GNG7: variants seen among roughly 807,000 people sequenced by gnomAD.
GNG7 encodes the protein guanine nucleotide-binding protein G(I)/G(S)/G(O) subunit gamma-7.
In GNG7, 1 loss-of-function variant was observed where a neutral mutation model predicts 4.0. That is an observed-to-expected ratio of 0.25 (90% confidence interval 0.09 to 1.18). The LOEUF is 1.18. GNG7 is among the 50% of genes most tolerant of loss of function. The probability of loss-of-function intolerance (pLI) is 0.50; values close to 1 mark genes in which losing one functional copy is unlikely to be tolerated. For missense variants in GNG7, 86 were observed against 91.9 expected, an observed-to-expected ratio of 0.94 and a Z score of 0.26; for synonymous variants, 34 against 36.9, an observed-to-expected ratio of 0.92 and a Z score of 0.29.
chr19:2,521,453 T>C (rs1978308056), intron 3 of GNG7, among the ~76,000 whole-genome samples: 2 of 150,642 alleles, frequency 1.3e-5, no homozygotes, highest in Non-Finnish European at 3.0e-5. Flanking sequence ...TGGCATGGAG[T>C]GGGTTGGGTG....
chr19:2,602,927 G>C (rs1390237465), intron 2 of GNG7, among the ~76,000 whole-genome samples: 34 of 64,500 alleles, frequency 5.3e-4, no homozygotes, highest in Non-Finnish European at 8.3e-4. Flanking sequence ...CTTTCTTTTT[G>C]TTTCTTCCTT....
chr19:2,684,295 C>A (rs184496106), intron 1 of GNG7, among the ~76,000 whole-genome samples: 165 of 151,954 alleles, frequency 1.1e-3, no homozygotes, highest in African/African-American at 3.5e-3. Flanking sequence ...CGCCACCACG[C>A]CCGGATAATT....
intron 2 of GNG7, among the ~76,000 whole-genome samples, chr19:2,620,284 TGAAA>T (rs907555104): frequency 7.0e-6 from 1 of 142,328 alleles, no homozygotes; most frequent in African/African-American, 2.7e-5. Context: ...CCCTGTAGAA[TGAAA>T]GAAAGGCAGA....
chr19:2,630,736 G>A (rs1414440335), intron 2 of GNG7: 1 of 151,512 alleles, frequency 6.6e-6, no homozygotes, highest in Non-Finnish European at 1.5e-5. Flanking sequence ...TGGACATAGT[G>A]TGGCTGGGTC....
intron 2 of GNG7, among the ~76,000 whole-genome samples, chr19:2,608,578 T>C (rs1169764152): frequency 6.6e-6 from 1 of 152,146 alleles, no homozygotes; most frequent in African/African-American, 2.4e-5. Context: ...ACCAGCAACC[T>C]GGAAACCTGG....
chr19:2,690,682 C>A (rs1035836694), intron 1 of GNG7, among the ~76,000 whole-genome samples: 1 of 152,102 alleles, frequency 6.6e-6, no homozygotes, highest in Non-Finnish European at 1.5e-5. Context: ...CAGCCTCCAC[C>A]TCCCAGATTC....
At chr19:2,698,659 G>A (rs928180529) in intron 1 of GNG7, among the ~76,000 whole-genome samples, 3 of 152,050 alleles carry the variant, frequency 2.0e-5, no homozygotes, top group African/African-American at 7.2e-5. Flanking sequence ...AAACCATGAA[G>A]CATCTTCAAA....
chr19:2,591,293 C>T (rs1980843431), intron 2 of GNG7, among the ~76,000 whole-genome samples: 1 of 152,140 alleles, frequency 6.6e-6, no homozygotes, highest in South Asian at 2.1e-4. Flanking sequence ...CTCCTACTTG[C>T]CAATACTATT....
chr19:2,520,130 G>A (rs1035030758), intron 4 of GNG7, among the ~76,000 whole-genome samples: 3 of 152,162 alleles, frequency 2.0e-5, no homozygotes, highest in Non-Finnish European at 2.9e-5. Flanking sequence ...GCAGTGAGCC[G>A]AGATCGCGCC....
chr19:2,675,305 A>G (rs1264298376), intron 1 of GNG7, among the ~76,000 whole-genome samples: 1 of 152,178 alleles, frequency 6.6e-6, no homozygotes, highest in African/African-American at 2.4e-5. Context: ...AACAGCAGCA[A>G]GTGCACGGGC....
At chr19:2,559,293 C>T (rs1979664153) in intron 2 of GNG7, among the ~76,000 whole-genome samples, 1 of 151,450 alleles carries the variant, frequency 6.6e-6, no homozygotes, top group African/African-American at 2.4e-5. Flanking sequence ...GGGGTAGTTT[C>T]CTTTGAGTTT....
At chr19:2,663,826 G>A (rs1220273689) in intron 1 of GNG7, among the ~76,000 whole-genome samples, 2 of 152,140 alleles carry the variant, frequency 1.3e-5, no homozygotes, top group Admixed American at 6.5e-5. Context: ...CTAAAGCAAC[G>A]TGGCTTGATC....
intron 2 of GNG7, among the ~76,000 whole-genome samples, chr19:2,569,707 C>T (rs1399390783): frequency 2.6e-5 from 4 of 152,188 alleles, no homozygotes; most frequent in African/African-American, 9.7e-5. Flanking sequence ...CTGGGCACTG[C>T]AGGGTGCTGA....
intron 1 of GNG7, among the ~76,000 whole-genome samples, chr19:2,680,221 C>G (rs888789371): frequency 3.4e-5 from 5 of 148,400 alleles, no homozygotes; most frequent in African/African-American, 1.3e-4. Context: ...GATCTCGGCT[C>G]ACCACAACCT....
chr19:2,573,453 T>C (rs1412296659), intron 2 of GNG7, among the ~76,000 whole-genome samples: 1 of 152,182 alleles, frequency 6.6e-6, no homozygotes, highest in African/African-American at 2.4e-5. Flanking sequence ...ATCTTGTCTG[T>C]ACCCTGTCCC....
At chr19:2,536,193 G>A (rs1298565034) in intron 3 of GNG7, among the ~76,000 whole-genome samples, 2 of 151,776 alleles carry the variant, frequency 1.3e-5, no homozygotes, top group Admixed American at 6.6e-5. Context: ...CGAGGTGGGC[G>A]GATCACGAGG....
intron 1 of GNG7, among the ~76,000 whole-genome samples, chr19:2,668,536 G>A (rs1282057937): frequency 6.6e-6 from 1 of 152,150 alleles, no homozygotes; most frequent in Non-Finnish European, 1.5e-5. Flanking sequence ...GGCTGCTGGA[G>A]GGAGCCCCCG....
intron 2 of GNG7, among the ~76,000 whole-genome samples, chr19:2,597,804 G>C (rs559664532): frequency 2.0e-5 from 3 of 150,772 alleles, no homozygotes; most frequent in African/African-American, 7.3e-5. Context: ...GCTGAGGCAG[G>C]AGAATGGCGT....
intron 2 of GNG7, among the ~76,000 whole-genome samples, chr19:2,560,244 A>G (rs904363419): frequency 3.3e-5 from 5 of 152,134 alleles, no homozygotes; most frequent in Non-Finnish European, 7.4e-5. Context: ...AGGGGACTAC[A>G]GTACAAACCC....
Sources: allele counts gnomAD v4.1 joint callset (sites outside exome capture counted in the v4.1 genomes callset), GRCh38; gene constraint gnomAD v4.1.1; transcripts MANE v1.5; gene names NCBI Gene and HGNC (gene_info 2026-07-23, HGNC 2026-07-21).